Variants in SMARCD3 observed in about 807,000 individuals in gnomAD.
The protein encoded by SMARCD3 is SWI/SNF related BAF chromatin remodeling complex subunit D3, also known as SWI/SNF-related matrix-associated actin-dependent regulator of chromatin subfamily D member 3.
In SMARCD3, 14 loss-of-function variants were observed where a neutral mutation model predicts 58.0. The observed-to-expected ratio is 0.24, with a 90% CI of 0.16 to 0.38. The LOEUF (loss-of-function observed/expected upper bound fraction) is 0.38, where lower values mean the gene tolerates loss of function less well. Ranked by LOEUF, SMARCD3 falls within the 10% of genes least tolerant of loss-of-function variation. The pLI, the probability that SMARCD3 is intolerant of heterozygous loss-of-function variation, is 1.00. For missense variants in SMARCD3, 408 were observed against 636.9 expected (o/e 0.64, Z 3.87); for synonymous variants, 253 against 253.8 (o/e 1.00, Z 0.03).
intron 2 of SMARCD3, among the ~76,000 whole-genome samples, chr7:151,262,100 T>TA (rs1803937049): frequency 6.6e-6 from 1 of 152,078 alleles, no homozygotes; most frequent in Admixed American, 6.5e-5. Context: ...ACCTTTTTTT[T>TA]TTTTTGAGAC....
intron 2 of SMARCD3, among the ~76,000 whole-genome samples, chr7:151,264,568 G>A (rs193128035): frequency 4.6e-5 from 7 of 152,326 alleles, no homozygotes; most frequent in African/African-American, 1.7e-4. Context: ...GGTAGGAACT[G>A]TGGGAGTTCC....
rs1803104046 is a variant in SMARCD3, at chr7:151,243,539, CT to C, written c.333+119del. 2.8e-6 allele frequency: 2 copies of C among 711,210 alleles called. No individual in the cohort carries two copies. The highest frequency in any genetic ancestry group is 5.1e-6 in the Non-Finnish European group (2 of 394,800). 44.1% of individuals were successfully genotyped at this position (711,210 alleles called of 1,614,324 possible). The stretch of plus-strand genomic sequence containing the variant: ...CTGCGGAGCCTCACTTATTAATGAG[CT>C]TTTTTAAACAAAAAGTGAAAGTGAC... On this transcript the variant is annotated intron_variant, in intron 3 of 12. Transcript: ENST00000262188. This position sits in a 1 kb window ranked among gnomAD's most constrained non-coding sequence, Gnocchi z 4.4.
chr7:151,256,535 C>A (rs1302288435), intron 2 of SMARCD3, among the ~76,000 whole-genome samples: 1 of 152,140 alleles, frequency 6.6e-6, no homozygotes, highest in Non-Finnish European at 1.5e-5. Context: ...CCCCTGCAAC[C>A]ACGCACCTGA....
intron 2 of SMARCD3, among the ~76,000 whole-genome samples, chr7:151,257,823 A>T (rs1361734739): frequency 2.0e-5 from 3 of 151,098 alleles, no homozygotes; most frequent in Non-Finnish European, 4.4e-5. Context: ...TTCCTCGGAG[A>T]TCTCATCATT....
In SMARCD3 at chr7:151,241,656, G is replaced by T. The variant is rs1402923939; in HGVS notation, c.778-3C>A. 1 of 1,608,368 alleles carries T rather than the reference G, an allele frequency of 6.2e-7. No homozygotes were observed. Among genetic ancestry groups the T allele is most frequent in the Non-Finnish European group, 8.5e-7 (1 of 1,177,102 alleles). On this transcript the variant is annotated splice_region_variant and splice_polypyrimidine_tract_variant and intron_variant, in intron 7 of 12. Coordinates refer to ENST00000262188, the MANE Select transcript of SMARCD3 (RefSeq NM_001003801.2). This position sits in a 1 kb window ranked among gnomAD's most constrained non-coding sequence, Gnocchi z 5.3. ...GGATCCAGTTTGAACTGGGGAGGCT[G>T]GGAAAAGGGGACTGTGAAAGTTAGA...
At chr7:151,252,261 G>T (rs905228105), upstream of SMARCD3, among the ~76,000 whole-genome samples, 8 of 152,166 alleles carry the variant, frequency 5.3e-5, no homozygotes, top group African/African-American at 1.9e-4. Context: ...CTGGCGAGGG[G>T]ATAGGGAGGA....
At chr7:151,263,105 A>C (rs1803969612) in intron 2 of SMARCD3, among the ~76,000 whole-genome samples, 1 of 152,168 alleles carries the variant, frequency 6.6e-6, no homozygotes, top group Non-Finnish European at 1.5e-5. Flanking sequence ...CTAAGGAAGC[A>C]AAGTGACTGG....
chr7:151,268,806 G>A (rs1307317641), intron 2 of SMARCD3, among the ~76,000 whole-genome samples: 1 of 151,488 alleles, frequency 6.6e-6, no homozygotes, highest in Non-Finnish European at 1.5e-5. Flanking sequence ...GTCTCGCTTT[G>A]TTGCCCAGGC....
At chr7:151,270,508 T>C (rs1337884065) in intron 2 of SMARCD3, among the ~76,000 whole-genome samples, 2 of 152,212 alleles carry the variant, frequency 1.3e-5, no homozygotes, top group Non-Finnish European at 2.9e-5. Context: ...AACTCAGTAT[T>C]AGCCTCTTTG....
Position 151,242,026 on chromosome 7 carries a change from G to A in SMARCD3, c.676-48C>T, listed in dbSNP as rs763883580. Reference sequence around the variant, plus strand: ...GTCTCCCAAAGGCCCATCTGGAGTGGTGGGGCCCAGGACTCTAGGGTGGTC... The same window carrying A: ...GTCTCCCAAAGGCCCATCTGGAGTGATGGGGCCCAGGACTCTAGGGTGGTC... On this transcript the variant is annotated intron_variant, in intron 6 of 12. Transcript: ENST00000262188. This position sits in a 1 kb window ranked among gnomAD's most constrained non-coding sequence, Gnocchi z 4.7. 22 of 1,562,614 alleles carry A rather than the reference G, an allele frequency of 1.4e-5. No individual in the cohort carries two copies. The highest frequency in any genetic ancestry group is 1.8e-4 in the Middle Eastern group (1 of 5,466).
At chr7:151,253,594 G>GC (rs530912936), upstream of SMARCD3, among the ~76,000 whole-genome samples, 152,343 of 152,344 alleles carry the variant, frequency 1, 76,171 homozygotes, top group Non-Finnish European at 1. Context: ...GCGGGGCTGG[G>GC]CGCTGGGATC....
In SMARCD3 at chr7:151,270,220, C is replaced by T. The variant is rs180806897; in HGVS notation, c.39+4894G>A. ...GAGGGAATGAGCATGGAGCACTCCT[C>T]CAACCACGGAGTTACAGGAGGGAGA... is the stretch of plus-strand genomic sequence containing the variant. On this transcript the variant is annotated intron_variant, in intron 2 of 13. Coordinates refer to the SMARCD3 transcript ENST00000356800. Among the ~76,000 whole-genome samples, 7 of 152,272 alleles carry T rather than the reference C, an allele frequency of 4.6e-5. No individual in the cohort carries two copies. In the East Asian group the frequency reaches 1.4e-3, roughly 29 times the overall value.
intron 2 of SMARCD3, among the ~76,000 whole-genome samples, chr7:151,271,944 G>A (rs1795186256): frequency 1.3e-5 from 2 of 152,284 alleles, no homozygotes; most frequent in South Asian, 2.1e-4. Context: ...GAGCAACAGC[G>A]TGAGACTCTG....
chr7:151,241,745 T>C lies in SMARCD3; in HGVS notation c.778-92A>G, dbSNP rs1563648742. ...TTCAGGACTAGGGGGATGTGTTGATTGAGGAAACATGCCCCTGGGGAAGGA... is the reference window on the plus strand; with the variant it reads ...TTCAGGACTAGGGGGATGTGTTGATCGAGGAAACATGCCCCTGGGGAAGGA... On this transcript the variant is annotated intron_variant, in intron 7 of 12. Coordinates refer to ENST00000262188, the MANE Select transcript of SMARCD3 (RefSeq NM_001003801.2). The surrounding 1 kb of genome is among the most constrained non-coding windows in gnomAD (Gnocchi z 5.3). The C allele has an allele frequency of 7.2e-7, 1 of 1,390,260 alleles. No homozygotes were observed. Among genetic ancestry groups the C allele is most frequent in the Non-Finnish European group, 1.0e-6 (1 of 995,902 alleles). The allele number at this position is 1,390,260 out of a possible 1,614,324, so 86.1% of individuals were successfully genotyped here. A position where few individuals can be genotyped will look rare whatever the true frequency, so the allele number is the denominator to read the frequency against.
upstream of SMARCD3, among the ~76,000 whole-genome samples, chr7:151,253,041 A>C (rs1390815144): frequency 6.6e-6 from 1 of 152,202 alleles, no homozygotes; most frequent in Admixed American, 6.5e-5. Context: ...GTGTCCTCAG[A>C]AGTGAAAGGA....
In SMARCD3 at chr7:151,241,297, C is replaced by A; in HGVS notation, c.939+195G>T. 1 of 643,344 alleles carries A rather than the reference C, an allele frequency of 1.6e-6. No individual in the cohort carries two copies. Among genetic ancestry groups the A allele is most frequent in the South Asian group, 1.7e-5 (1 of 58,424 alleles). The allele number at this position is 643,344 out of a possible 1,614,324, so 39.9% of individuals were successfully genotyped here. A position where few individuals can be genotyped will look rare whatever the true frequency, so the allele number is the denominator to read the frequency against. On this transcript the variant is annotated intron_variant, in intron 8 of 12. Coordinates refer to ENST00000262188, the MANE Select transcript of SMARCD3 (RefSeq NM_001003801.2). The surrounding 1 kb of genome is among the most constrained non-coding windows in gnomAD (Gnocchi z 5.3). ...TGGGGGGGCTAACATGGATTGGCTGCAGCACAGAGCTAATCCACAGTAGGG... is the reference window on the plus strand; with the variant it reads ...TGGGGGGGCTAACATGGATTGGCTGAAGCACAGAGCTAATCCACAGTAGGG...
At position 151,239,886 on chromosome 7, in the gene SMARCD3, TC is replaced by T; in HGVS notation, c.1174-141del. The T allele has an allele frequency of 9.8e-7, 1 of 1,018,220 alleles. No homozygotes were observed. The highest frequency in any genetic ancestry group is 1.4e-6 in the Non-Finnish European group (1 of 696,002). 63.1% of individuals were successfully genotyped at this position (1,018,220 alleles called of 1,614,324 possible). ...CTCAGAGCCCCTGATTTCTCTGAAG[TC>T]CCAGGGGAGGAGGGGATGGGCAGAA... On this transcript the variant is annotated intron_variant, in intron 10 of 12. Coordinates refer to ENST00000262188, the MANE Select transcript of SMARCD3 (RefSeq NM_001003801.2). This position sits in a 1 kb window ranked among gnomAD's most constrained non-coding sequence, Gnocchi z 7.0.
chr7:151,258,657 G>A lies in SMARCD3; in HGVS notation c.40-12986C>T, dbSNP rs534656805. On this transcript the variant is annotated intron_variant, in intron 2 of 13. Coordinates refer to the SMARCD3 transcript ENST00000356800. ...CCCTCCAGGCCTTCCATCTTATTCC[G>A]AGCAAGGGCCAAGGTCCTGAAGGTC... 7.9e-5 allele frequency among the ~76,000 whole-genome samples: 12 copies of A among 151,692 alleles called. No individual in the cohort carries two copies. In the South Asian group the frequency reaches 1.5e-3, roughly 19 times the overall value.
chr7:151,259,080 A>G (rs571337533), intron 2 of SMARCD3, among the ~76,000 whole-genome samples: 1 of 152,182 alleles, frequency 6.6e-6, no homozygotes, highest in South Asian at 2.1e-4. Flanking sequence ...GGCCGGGTGC[A>G]GTGGCTCACA....
Sources: allele counts gnomAD v4.1 joint callset (sites outside exome capture counted in the v4.1 genomes callset), GRCh38; gene constraint gnomAD v4.1.1; non-coding constraint Gnocchi (gnomAD v3.1); transcripts MANE v1.5; gene names NCBI Gene and HGNC (gene_info 2026-07-23, HGNC 2026-07-21).